RPS6KC1: variants seen among roughly 807,000 people sequenced by gnomAD.
RPS6KC1 encodes ribosomal protein S6 kinase C1.
A neutral mutation model predicts 103.8 loss-of-function variants in RPS6KC1; 54 were observed. The ratio of observed to expected loss-of-function variants is 0.52; its 90% confidence interval spans 0.42 to 0.65. The LOEUF (loss-of-function observed/expected upper bound fraction) is 0.65, where lower values mean the gene tolerates loss of function less well. Ranked by LOEUF, RPS6KC1 falls within the 30% of genes least tolerant of loss-of-function variation. The probability of loss-of-function intolerance (pLI) is 0.00; values close to 1 mark genes in which losing one functional copy is unlikely to be tolerated. For synonymous variants in RPS6KC1, 439 were observed against 438.7 expected (o/e 1.00, Z -0.01); for missense variants, 1,151 against 1,253.8 (o/e 0.92, Z 1.24).
At chr1:213,121,335 T>A (rs1174246446) in intron 5 of RPS6KC1, among the ~76,000 whole-genome samples, 2 of 152,236 alleles carry the variant, frequency 1.3e-5, no homozygotes, top group Admixed American at 1.3e-4. Context: ...AAATATAGTT[T>A]GTTTAATATG....
chr1:213,609,829 A>G, the RPS6KC1 span, among the ~76,000 whole-genome samples: 12 of 150,142 alleles, frequency 8.0e-5, no homozygotes, highest in Admixed American at 4.6e-4. Flanking sequence ...AATTACAAGG[A>G]TGGATCCATG....
the RPS6KC1 span, among the ~76,000 whole-genome samples, chr1:213,603,371 T>G: frequency 7.2e-5 from 11 of 152,294 alleles, no homozygotes; most frequent in Middle Eastern, 3.4e-3. Flanking sequence ...TTACTGCTCC[T>G]GGGGAGAGGG....
chr1:213,599,983 G>A, the RPS6KC1 span, among the ~76,000 whole-genome samples: 1 of 152,172 alleles, frequency 6.6e-6, no homozygotes, highest in Non-Finnish European at 1.5e-5. Context: ...CCCATGTGTA[G>A]AGGGAGGGAG....
chr1:213,658,810 C>A, the RPS6KC1 span, among the ~76,000 whole-genome samples: 2 of 152,152 alleles, frequency 1.3e-5, no homozygotes, highest in Non-Finnish European at 2.9e-5. Context: ...GCTTTCTCAT[C>A]CCCTACTTTG....
chr1:213,651,120 T>C, the RPS6KC1 span, among the ~76,000 whole-genome samples: 5 of 151,750 alleles, frequency 3.3e-5, no homozygotes, highest in South Asian at 8.4e-4. Flanking sequence ...ACCCCCAGAA[T>C]GGGGAGCCCT....
chr1:213,753,065 G>A, the RPS6KC1 span, among the ~76,000 whole-genome samples: 867 of 152,300 alleles, frequency 5.7e-3, 4 homozygotes, highest in Middle Eastern at 0.014. Flanking sequence ...TCAGGACACA[G>A]GTTAATGTCG....
At chr1:213,727,291 T>C in the RPS6KC1 span, among the ~76,000 whole-genome samples, 13 of 152,162 alleles carry the variant, frequency 8.5e-5, no homozygotes, top group Middle Eastern at 3.2e-3. Context: ...AACTCACAGG[T>C]CATCATATCC....
At chr1:213,770,397 A>G in the RPS6KC1 span, among the ~76,000 whole-genome samples, 1 of 152,224 alleles carries the variant, frequency 6.6e-6, no homozygotes, top group Non-Finnish European at 1.5e-5. Context: ...GATTTACCCA[A>G]TAGCATACCT....
chr1:213,054,561 T>C lies in RPS6KC1; in HGVS notation c.105+3052T>C, dbSNP rs17020120. 4.2e-3 allele frequency among the ~76,000 whole-genome samples: 641 copies of C among 152,344 alleles called. 1 individual carries two copies. The highest frequency in any genetic ancestry group is 0.015 in the African/African-American group (605 of 41,586). On this transcript the variant is annotated intron_variant, in intron 1 of 14. Transcript: ENST00000366960. The stretch of plus-strand genomic sequence containing the variant: ...TGTATATTTTCTACTACTGATTTAC[T>C]TCTAGCTTCAAGGAACAATTTTCTA...
the RPS6KC1 span, among the ~76,000 whole-genome samples, chr1:213,683,076 A>G: frequency 2.6e-5 from 4 of 152,204 alleles, no homozygotes; most frequent in South Asian, 2.1e-4. Flanking sequence ...ATTTTTTACA[A>G]TTACAAATAA....
intron 12 of RPS6KC1, among the ~76,000 whole-genome samples, chr1:213,256,721 A>G (rs1273382974): frequency 2.6e-5 from 4 of 152,148 alleles, no homozygotes; most frequent in African/African-American, 9.7e-5. Context: ...GTGGCAATCC[A>G]CATTTGGAGC....
At chr1:213,198,912 A>G (rs1558521706) in intron 8 of RPS6KC1, among the ~76,000 whole-genome samples, 1 of 152,308 alleles carries the variant, frequency 6.6e-6, no homozygotes, top group East Asian at 1.9e-4. Context: ...CCCTCAACAT[A>G]CATCCACCCA....
intron 8 of RPS6KC1, among the ~76,000 whole-genome samples, chr1:213,205,920 A>T (rs906927197): frequency 6.6e-6 from 1 of 152,164 alleles, no homozygotes; most frequent in Non-Finnish European, 1.5e-5. Context: ...CAAATCCAAA[A>T]ATCCCAAATC....
the RPS6KC1 span, among the ~76,000 whole-genome samples, chr1:213,735,564 TACCTAC>T: frequency 6.6e-6 from 1 of 152,212 alleles, no homozygotes; most frequent in Non-Finnish European, 1.5e-5. Flanking sequence ...TTTTATGTTC[TACCTAC>T]ATTGCTAGTA....
chr1:213,686,752 C>G, the RPS6KC1 span, among the ~76,000 whole-genome samples: 6 of 152,222 alleles, frequency 3.9e-5, no homozygotes, highest in Non-Finnish European at 5.9e-5. Context: ...AAAGTGAAAG[C>G]AGGTTTATTA....
the RPS6KC1 span, among the ~76,000 whole-genome samples, chr1:213,780,015 C>G: frequency 6.6e-6 from 1 of 152,126 alleles, no homozygotes; most frequent in African/African-American, 2.4e-5. Flanking sequence ...GAAGACAGAA[C>G]ATGCTCCCTA....
the RPS6KC1 span, among the ~76,000 whole-genome samples, chr1:213,862,238 G>C: frequency 6.6e-6 from 1 of 152,186 alleles, no homozygotes; most frequent in African/African-American, 2.4e-5. Context: ...GAAATGAAGA[G>C]GATCGTGCGG....
intron 12 of RPS6KC1, among the ~76,000 whole-genome samples, chr1:213,247,441 A>G (rs1474640237): frequency 6.6e-6 from 1 of 152,204 alleles, no homozygotes; most frequent in East Asian, 1.9e-4. Flanking sequence ...GCCCTTCTCC[A>G]TAAACATGCT....
the RPS6KC1 span, among the ~76,000 whole-genome samples, chr1:213,407,427 T>C: frequency 6.6e-6 from 1 of 152,258 alleles, no homozygotes; most frequent in East Asian, 1.9e-4. Flanking sequence ...AAGAAGGGAC[T>C]GAGAGTGAGC....
Sources: gnomAD v4.1 joint callset for allele counts (sites outside exome capture counted in the v4.1 genomes callset) on GRCh38, gnomAD v4.1.1 for gene constraint, MANE v1.5 for transcripts, NCBI Gene and HGNC (gene_info 2026-07-23, HGNC 2026-07-21) for gene names.